The following ZNF618 variants were observed in gnomAD, a reference collection of about 807,000 sequenced individuals.
ZNF618 encodes neural precursor cell expressed, developmentally down-regulated 10.
In ZNF618, 34 loss-of-function variants were observed where a neutral mutation model predicts 103.0. The observed-to-expected ratio is 0.33, with a 90% CI of 0.25 to 0.44. The LOEUF (loss-of-function observed/expected upper bound fraction) is 0.44. Among genes scored for constraint, ZNF618 ranks in the 20% least tolerant of loss-of-function variants. The pLI, the probability that ZNF618 is intolerant of heterozygous loss-of-function variation, is 1.00. For synonymous variants in ZNF618, 551 were observed against 542.2 expected, an observed-to-expected ratio of 1.02 and a Z score of -0.23; for missense variants, 1,059 against 1,295.4, an observed-to-expected ratio of 0.82 and a Z score of 2.80.
At chr9:113,885,054 G>T (rs1270586559) in intron 1 of ZNF618, among the ~76,000 whole-genome samples, 1 of 152,178 alleles carries the variant, frequency 6.6e-6, no homozygotes. Context: ...CATCAAAGCA[G>T]GGCTGGATGA....
chr9:113,990,317 C>G (rs1348741905), intron 3 of ZNF618, among the ~76,000 whole-genome samples: 2 of 152,128 alleles, frequency 1.3e-5, no homozygotes, highest in South Asian at 2.1e-4. Context: ...GTGGAAACCC[C>G]TAGAGATTGG....
intron 3 of ZNF618, among the ~76,000 whole-genome samples, chr9:113,995,633 A>G (rs1161385606): frequency 6.6e-6 from 1 of 152,188 alleles, no homozygotes; most frequent in Non-Finnish European, 1.5e-5. Context: ...TATGCCAGAA[A>G]TCACACAGGG....
chr9:114,020,270 ATTTTTT>A (rs1842962679), intron 10 of ZNF618, among the ~76,000 whole-genome samples: 1 of 152,032 alleles, frequency 6.6e-6, no homozygotes, highest in Non-Finnish European at 1.5e-5. Flanking sequence ...CAGCATTGTT[ATTTTTT>A]AAGACTATTT....
intron 3 of ZNF618, among the ~76,000 whole-genome samples, chr9:113,992,477 C>T (rs1180903984): frequency 6.6e-6 from 1 of 152,088 alleles, no homozygotes; most frequent in African/African-American, 2.4e-5. Context: ...TAAGTGAGCC[C>T]CTGCTGCAGT....
intron 2 of ZNF618, among the ~76,000 whole-genome samples, chr9:113,970,165 AAGAGAGAGCCAG>A (rs1366185155): frequency 6.6e-6 from 1 of 152,122 alleles, no homozygotes; most frequent in African/African-American, 2.4e-5. Context: ...TGTGCTTGAG[AAGAGAGAGCCAG>A]AGAGAGAGAG....
chr9:113,942,179 CCTT>C (rs1834612618), intron 1 of ZNF618, among the ~76,000 whole-genome samples: 1 of 152,026 alleles, frequency 6.6e-6, no homozygotes, highest in East Asian at 1.9e-4. Context: ...CAAGGTAAGA[CCTT>C]CTCTGAGCCT....
intron 1 of ZNF618, among the ~76,000 whole-genome samples, chr9:113,894,907 C>A (rs1273248820): frequency 6.6e-6 from 1 of 152,074 alleles, no homozygotes; most frequent in Admixed American, 6.5e-5. Flanking sequence ...CATTTCCCTT[C>A]ATCTTTTACA....
intron 1 of ZNF618, among the ~76,000 whole-genome samples, chr9:113,885,342 A>G (rs1160732117): frequency 2.6e-5 from 4 of 152,252 alleles, no homozygotes; most frequent in Non-Finnish European, 4.4e-5. Flanking sequence ...ATAAGATAAC[A>G]AGTTTGAAAA....
chr9:114,002,200 T>A (rs922259533), intron 5 of ZNF618, 127 bp downstream of exon 5: 1 of 840,284 alleles, frequency 1.2e-6, no homozygotes, highest in African/African-American at 1.7e-5. Context: ...ATTCTCCTCC[T>A]ACTTTCATCA....
chr9:113,992,734 T>A (rs903214935), intron 3 of ZNF618, among the ~76,000 whole-genome samples: 1 of 152,128 alleles, frequency 6.6e-6, no homozygotes, highest in Non-Finnish European at 1.5e-5. Context: ...AGACAAACAA[T>A]GTTCCCAGTG....
chr9:113,964,223 C>A (rs925649099), intron 1 of ZNF618, among the ~76,000 whole-genome samples: 2 of 152,150 alleles, frequency 1.3e-5, no homozygotes, highest in African/African-American at 4.8e-5. Context: ...CCTCAGCCTC[C>A]CCGAGCCTCA....
intron 1 of ZNF618, among the ~76,000 whole-genome samples, chr9:113,929,254 A>G (rs1021996804): frequency 8.5e-5 from 13 of 152,178 alleles, no homozygotes; most frequent in African/African-American, 3.1e-4. Context: ...CAGCTAAGTC[A>G]GTTACTGTTT....
chr9:114,005,909 C>T (rs1315266402), intron 6 of ZNF618, among the ~76,000 whole-genome samples: 2 of 152,206 alleles, frequency 1.3e-5, no homozygotes, highest in Non-Finnish European at 2.9e-5. Context: ...CAGGACCAGC[C>T]TCTCCTGCCC....
intron 12 of ZNF618, 89 bp from the exon 13 acceptor site, chr9:114,036,211 G>C: frequency 8.0e-7 from 1 of 1,246,882 alleles, no homozygotes. Flanking sequence ...TGTGTGTTTG[G>C]GTTCCCACTT....
chr9:114,042,117 G>A lies in ZNF618; in HGVS notation c.1246+5740G>A, dbSNP rs547560907. On this transcript the variant is annotated intron_variant, in intron 13 of 14. Transcript: ENST00000374126. Reference sequence around the variant, plus strand: ...ATTGGAAATTGTGTTTCCCCTTTGTGAATGTAAAGTCTGTCTATGAAAATA... The same window carrying A: ...ATTGGAAATTGTGTTTCCCCTTTGTAAATGTAAAGTCTGTCTATGAAAATA... Among the ~76,000 whole-genome samples the A allele has an allele frequency of 2.0e-5, 3 of 152,260 alleles. No homozygotes were observed. In the South Asian group the frequency reaches 6.2e-4, roughly 32 times the overall value.
At chr9:114,036,454 G>C in intron 13 of ZNF618, 77 bp downstream of exon 13, 1 of 1,426,976 alleles carries the variant, frequency 7.0e-7, no homozygotes, top group Non-Finnish European at 9.6e-7. Context: ...GGCCTGACCT[G>C]AGGCCCCTGG....
intron 10 of ZNF618, among the ~76,000 whole-genome samples, chr9:114,026,671 C>T (rs2134131246): frequency 6.6e-6 from 1 of 152,352 alleles, no homozygotes; most frequent in Admixed American, 6.5e-5. Flanking sequence ...TTGCCATCAA[C>T]AAACTTATTA....
chr9:113,889,729 ATCTC>A (rs753095579), intron 1 of ZNF618, among the ~76,000 whole-genome samples: 2 of 152,036 alleles, frequency 1.3e-5, no homozygotes, highest in African/African-American at 4.8e-5. Context: ...CTTTCCATGC[ATCTC>A]TCTCTCTACC....
intron 1 of ZNF618, among the ~76,000 whole-genome samples, chr9:113,914,237 T>C (rs889615322): frequency 6.6e-5 from 10 of 152,172 alleles, no homozygotes. Flanking sequence ...CTTAGCAAGG[T>C]AGTGTCTAAG....
Sources: gnomAD v4.1 joint callset for allele counts (sites outside exome capture counted in the v4.1 genomes callset) on GRCh38, gnomAD v4.1.1 for gene constraint, MANE v1.5 for transcripts, NCBI Gene and HGNC (gene_info 2026-07-23, HGNC 2026-07-21) for gene names.